Variants in LAMA2 observed in about 807,000 individuals in gnomAD.
LAMA2 encodes laminin subunit alpha-2.
In LAMA2, 269 loss-of-function variants were observed where a neutral mutation model predicts 364.8. The observed-to-expected ratio is 0.74, with a 90% CI of 0.67 to 0.82. The LOEUF is 0.82. Ranked by LOEUF, LAMA2 falls within the 40% of genes least tolerant of loss-of-function variation. The pLI, the probability that LAMA2 is intolerant of heterozygous loss-of-function variation, is 0.00. For missense variants in LAMA2, 3,807 were observed against 3,873.2 expected (o/e 0.98, Z 0.45); for synonymous variants, 1,379 against 1,370.6 (o/e 1.01, Z -0.14).
chr6:129,418,986 T>C (rs560196879), intron 40 of LAMA2, among the ~76,000 whole-genome samples: 7 of 152,258 alleles, frequency 4.6e-5, no homozygotes, highest in African/African-American at 1.4e-4. Context: ...CTACCTCACA[T>C]ACTGGTCATT....
intron 41 of LAMA2, among the ~76,000 whole-genome samples, chr6:129,433,595 C>T (rs1315007776): frequency 1.3e-5 from 2 of 152,024 alleles, no homozygotes; most frequent in African/African-American, 2.4e-5. Flanking sequence ...ATAAAAATTC[C>T]ATTTGAGAAA....
chr6:129,178,343 C>A (rs1172390877), intron 10 of LAMA2, among the ~76,000 whole-genome samples: 2 of 152,056 alleles, frequency 1.3e-5, no homozygotes, highest in African/African-American at 2.4e-5. Context: ...AAGTACAAAG[C>A]CCTAATGGAA....
chr6:129,098,455 G>C, intron 4 of LAMA2, 40 bp downstream of exon 4: 2 of 1,609,302 alleles, frequency 1.2e-6, no homozygotes, highest in South Asian at 2.2e-5. Flanking sequence ...CATTTGATAC[G>C]GTGAAATAGG....
At chr6:128,952,083 C>T (rs1187538214) in intron 1 of LAMA2, among the ~76,000 whole-genome samples, 1 of 152,088 alleles carries the variant, frequency 6.6e-6, no homozygotes, top group Non-Finnish European at 1.5e-5. Context: ...GGGAGAATTG[C>T]TTGAGTCCAG....
intron 34 of LAMA2, among the ~76,000 whole-genome samples, chr6:129,378,424 A>T (rs1269388862): frequency 6.6e-6 from 1 of 152,178 alleles, no homozygotes; most frequent in Non-Finnish European, 1.5e-5. Flanking sequence ...GTGATAGTGC[A>T]TTTGTCATAG....
At chr6:129,240,427 A>G (rs1785321095) in intron 12 of LAMA2, among the ~76,000 whole-genome samples, 1 of 152,004 alleles carries the variant, frequency 6.6e-6, no homozygotes, top group Admixed American at 6.6e-5. Flanking sequence ...GAACAGTGAG[A>G]TTTTTTTTCT....
intron 1 of LAMA2, among the ~76,000 whole-genome samples, chr6:129,023,070 G>A (rs1478763686): frequency 6.6e-6 from 1 of 151,892 alleles, no homozygotes; most frequent in African/African-American, 2.4e-5. Context: ...AAAAATTTAT[G>A]CACTACCCTC....
chr6:129,024,092 G>A (rs1362084903), intron 1 of LAMA2, among the ~76,000 whole-genome samples: 1 of 151,700 alleles, frequency 6.6e-6, no homozygotes, highest in Non-Finnish European at 1.5e-5. Flanking sequence ...ACAAGTATCT[G>A]GGAAAAGTCC....
intron 45 of LAMA2, among the ~76,000 whole-genome samples, chr6:129,450,591 G>T (rs763695901): frequency 6.6e-6 from 1 of 152,132 alleles, no homozygotes; most frequent in African/African-American, 2.4e-5. Context: ...AAAGTGCTGG[G>T]ATTACAGATG....
chr6:129,374,383 G>A (rs981480400), intron 34 of LAMA2, among the ~76,000 whole-genome samples: 2 of 152,080 alleles, frequency 1.3e-5, no homozygotes, highest in Non-Finnish European at 2.9e-5. Flanking sequence ...TCTAGACTAG[G>A]ACTGCACATT....
At chr6:129,115,726 G>A (rs1583068857) in intron 4 of LAMA2, among the ~76,000 whole-genome samples, 4 of 152,132 alleles carry the variant, frequency 2.6e-5, no homozygotes, top group Admixed American at 2.6e-4. Flanking sequence ...GGCCTGGTTT[G>A]GAATCTTGGT....
chr6:128,988,918 C>G (rs550293400), intron 1 of LAMA2, among the ~76,000 whole-genome samples: 2 of 152,124 alleles, frequency 1.3e-5, no homozygotes, highest in South Asian at 4.1e-4. Context: ...AGGACAGAAT[C>G]GCTATTTTAT....
intron 34 of LAMA2, among the ~76,000 whole-genome samples, chr6:129,372,919 T>C (rs13194587): frequency 0.38 from 58,186 of 152,114 alleles, 12,850 homozygotes; most frequent in Non-Finnish European, 0.5. Flanking sequence ...TCTTTTCATA[T>C]GCTTATTTGC....
At chr6:129,042,729 G>T (rs1018942796) in intron 1 of LAMA2, among the ~76,000 whole-genome samples, 15 of 151,988 alleles carry the variant, frequency 9.9e-5, no homozygotes, top group African/African-American at 3.1e-4. Context: ...AAAAGATTAG[G>T]TATGTTTAAA....
chr6:129,401,586 C>G (rs973389339), intron 38 of LAMA2, among the ~76,000 whole-genome samples: 2 of 152,156 alleles, frequency 1.3e-5, no homozygotes, highest in Non-Finnish European at 2.9e-5. Context: ...TTGTCCACAG[C>G]GATGAAGGAC....
chr6:129,026,776 T>G (rs1785854509), intron 1 of LAMA2, among the ~76,000 whole-genome samples: 1 of 152,098 alleles, frequency 6.6e-6, no homozygotes, highest in South Asian at 2.1e-4. Flanking sequence ...AAATATAGAA[T>G]AGCATCAAAT....
intron 22 of LAMA2, among the ~76,000 whole-genome samples, chr6:129,307,871 C>T (rs1411377749): frequency 6.6e-6 from 1 of 152,108 alleles, no homozygotes; most frequent in East Asian, 1.9e-4. Flanking sequence ...CAATTGATTC[C>T]ACTGGGTTGT....
intron 1 of LAMA2, among the ~76,000 whole-genome samples, chr6:128,989,758 T>A (rs1387016210): frequency 6.6e-6 from 1 of 152,224 alleles, no homozygotes; most frequent in Non-Finnish European, 1.5e-5. Flanking sequence ...TATGATAACA[T>A]ACCATAAACT....
In LAMA2 at chr6:129,098,491, A is replaced by T; in HGVS notation, c.639+76A>T. 8.8e-6 allele frequency: 13 copies of T among 1,478,096 alleles called. 1 individual carries two copies. Among genetic ancestry groups the T allele is most frequent in the Middle Eastern group, 1.7e-4 (1 of 5,766 alleles). 91.6% of individuals were successfully genotyped at this position (1,478,096 alleles called of 1,614,324 possible). A position where few individuals can be genotyped will look rare whatever the true frequency, so the allele number is the denominator to read the frequency against. ...CCTGTCAGAAAGACCTGAATATATC[A>T]GTAATTAATGTCAGGGAGATTTTAA... On this transcript the variant is annotated intron_variant, in intron 4 of 64. Transcript: ENST00000421865.
Sources: gnomAD v4.1 joint callset for allele counts (sites outside exome capture counted in the v4.1 genomes callset) on GRCh38, gnomAD v4.1.1 for gene constraint, MANE v1.5 for transcripts, NCBI Gene and HGNC (gene_info 2026-07-23, HGNC 2026-07-21) for gene names.